The following SLC38A8 variants were observed in gnomAD, a reference collection of about 807,000 sequenced individuals.
The protein encoded by SLC38A8 is solute carrier family 38 member 8.
SLC38A8 carries 65 observed loss-of-function variants against 46.0 expected under a neutral mutation model. The observed-to-expected ratio is 1.41, with a 90% CI of 1.16 to 1.74. SLC38A8 has a LOEUF of 1.74. Among genes scored for constraint, SLC38A8 ranks in the 40% most tolerant of loss-of-function variants. The probability of loss-of-function intolerance (pLI) is 0.00; values close to 1 mark genes in which losing one functional copy is unlikely to be tolerated. For missense variants in SLC38A8, 998 were observed against 567.9 expected (o/e 1.76, Z -7.70); for synonymous variants, 447 against 243.7 (o/e 1.83, Z -7.77).
intron 9 of SLC38A8, among the ~76,000 whole-genome samples, chr16:84,015,563 AGCTGTGCCCCCGGC>A: frequency 1.8e-5 from 1 of 56,070 alleles, no homozygotes; most frequent in South Asian, 9.1e-4. Context: ...GCTGCATACT[AGCTGTGCCCCCGGC>A]GGGGGTTCAG....
At chr16:84,038,836 G>C (rs1157256462) in intron 2 of SLC38A8, among the ~76,000 whole-genome samples, 2 of 152,194 alleles carry the variant, frequency 1.3e-5, no homozygotes, top group African/African-American at 2.4e-5. Flanking sequence ...CGGGCGCACA[G>C]GCAGCTTGCT....
At chr16:84,026,730 A>G (rs1009369273) in intron 6 of SLC38A8, among the ~76,000 whole-genome samples, 2 of 152,234 alleles carry the variant, frequency 1.3e-5, no homozygotes, top group African/African-American at 4.8e-5. Flanking sequence ...ATTTGACCAC[A>G]GATAGGGTGG....
chr16:84,036,915 C>T lies in SLC38A8; in HGVS notation c.190-15G>A. 6.2e-7 allele frequency: 1 copy of T among 1,600,992 alleles called. No individual in the cohort carries two copies. Among genetic ancestry groups the T allele is most frequent in the East Asian group, 2.3e-5 (1 of 44,122 alleles). ...ACCAACGAGACCTGCGGAGAAGGAG[C>T]AGGACCTGGAACTGGGGTGTGCCCA... On this transcript the variant is annotated splice_polypyrimidine_tract_variant and intron_variant, in intron 2 of 10. Coordinates refer to ENST00000299709, the MANE Select transcript of SLC38A8 (RefSeq NM_001080442.3).
chr16:84,015,257 C>T (rs997059019), intron 9 of SLC38A8, among the ~76,000 whole-genome samples: 2 of 152,108 alleles, frequency 1.3e-5, no homozygotes, highest in African/African-American at 2.4e-5. Context: ...CTCCAGTGGG[C>T]CACTACAGTG....
chr16:84,036,807 G>T lies in SLC38A8; in HGVS notation c.283C>A (p.Leu95Met), dbSNP rs757219619. Residue 95 changes from leucine (L) to methionine (M), a missense_variant, in exon 3 of 11, where the codon CTG (leucine) becomes ATG (methionine). Physicochemically the swap from Leu to Met is conservative, Grantham distance 15. Transcript: ENST00000299709. ...QATYQGVVRGLCGPAIGKLCE... is the reference protein window; with the variant it reads ...QATYQGVVRGMCGPAIGKLCE... ...AGCTTCCCAATGGCAGGGCCACACA[G>T]CCCCCTGACCACACCCTGGTAGGTG... The T allele has an allele frequency of 3.1e-6, 5 of 1,613,972 alleles. No homozygotes were observed. The highest frequency in any genetic ancestry group is 4.2e-6 in the Non-Finnish European group (5 of 1,180,026).
At chr16:84,030,539 C>G (rs78110925) in intron 5 of SLC38A8, among the ~76,000 whole-genome samples, 4,602 of 152,106 alleles carry the variant, frequency 0.03, 243 homozygotes, top group African/African-American at 0.1. Flanking sequence ...TCTTAGATGT[C>G]TCCAGGTCGG....
intron 9 of SLC38A8, among the ~76,000 whole-genome samples, chr16:84,013,433 T>TTG (rs1567689182): frequency 1.6e-5 from 2 of 128,462 alleles, no homozygotes; most frequent in African/African-American, 3.1e-5. Flanking sequence ...TGTTTTTTTT[T>TTG]TTTTTTTTTT....
intron 3 of SLC38A8, among the ~76,000 whole-genome samples, chr16:84,034,714 G>T (rs566015091): frequency 6.6e-6 from 1 of 152,226 alleles, no homozygotes. Context: ...GGTCACAGCA[G>T]CATCCACGTG....
At chr16:84,021,070 C>T (rs571648586) in intron 7 of SLC38A8, among the ~76,000 whole-genome samples, 93 of 151,896 alleles carry the variant, frequency 6.1e-4, no homozygotes, top group Middle Eastern at 3.4e-3. Flanking sequence ...TTTTTGCCGG[C>T]AGGGGAGGGA....
At chr16:84,039,694 G>C (rs925767681) in intron 2 of SLC38A8, among the ~76,000 whole-genome samples, 2 of 147,274 alleles carry the variant, frequency 1.4e-5, no homozygotes, top group African/African-American at 2.5e-5. Context: ...GTTGCAGTGA[G>C]CTGAGATCAC....
chr16:84,032,919 G>A lies in SLC38A8; in HGVS notation c.530+409C>T, dbSNP rs972152358. Among the ~76,000 whole-genome samples, 10 of 89,528 alleles carry A rather than the reference G, an allele frequency of 1.1e-4. 1 individual carries two copies. The highest frequency in any genetic ancestry group is 7.0e-4 in the African/African-American group (10 of 14,230). The allele number at this position is 89,528 out of a possible 152,430, so 58.7% of individuals were successfully genotyped here. A position where few individuals can be genotyped will look rare whatever the true frequency, so the allele number is the denominator to read the frequency against. ...ATGTGTGGGTGGGTGAGCATGGGTGGGTGTGGGTACGTGGGTGTGCATGGG... is the reference window on the plus strand; with the variant it reads ...ATGTGTGGGTGGGTGAGCATGGGTGAGTGTGGGTACGTGGGTGTGCATGGG... On this transcript the variant is annotated intron_variant, in intron 4 of 10. Coordinates refer to ENST00000299709, the MANE Select transcript of SLC38A8 (RefSeq NM_001080442.3).
rs369154993 is a variant in SLC38A8, at chr16:84,040,421, C to G, written c.189+1548G>C. Among the ~76,000 whole-genome samples the G allele has an allele frequency of 3.9e-5, 6 of 152,216 alleles. No homozygotes were observed. The East Asian group carries it at 1.2e-3, about 29-fold the overall frequency. On this transcript the variant is annotated intron_variant, in intron 2 of 10. Coordinates refer to ENST00000299709, the MANE Select transcript of SLC38A8 (RefSeq NM_001080442.3). ...CCCAGAAGCAAGTCACAAATGTGGT[C>G]TCAGGCCCACCCAGCCCTGCAGGGC... is the stretch of plus-strand genomic sequence containing the variant.
At chr16:84,041,841 A>G (rs2085370352) in intron 2 of SLC38A8, 128 bp downstream of exon 2, 1 of 821,956 alleles carries the variant, frequency 1.2e-6, no homozygotes, top group Non-Finnish European at 1.9e-6. Flanking sequence ...TGAGCGGGAT[A>G]GAAAATAAAA....
chr16:84,029,503 G>A lies in SLC38A8; in HGVS notation c.681C>T (p.Phe227=), dbSNP rs554452066. 3.2e-4 allele frequency: 515 copies of A among 1,614,106 alleles called. 4 individuals are homozygous for A. In the South Asian group the frequency reaches 5.2e-3, roughly 16 times the overall value. ...CAGATGCTAAAATTACCTGAAACCC[G>A]AAGCAGATGGTGGGGAAGACACTGA... The part of the protein sequence containing the change: ...SVFSVFPTIC[F]GFQCHEAAVS... Residue 227 remains phenylalanine (F), a synonymous_variant, in exon 6 of 11, where the codon TTC becomes TTT. Transcript: ENST00000299709.
rs146103798 is a variant in SLC38A8 at position 84,036,763 on chromosome 16, G to A, written c.327C>T (p.Leu109=). 6.4e-5 allele frequency: 104 copies of A among 1,614,216 alleles called. 1 individual carries two copies. In the African/African-American group the frequency reaches 1.2e-3, roughly 18 times the overall value. Residue 109 remains leucine, a synonymous_variant, in exon 3 of 11, where the codon CTC becomes CTT. Transcript: ENST00000299709. The stretch of plus-strand genomic sequence containing the variant: ...CCACGGAGATCATGAGCAGGTTGAG[G>A]AGGAAGCAGGCCTCACACAGCTTCC... ...AIGKLCEACF[L]LNLLMISVAF...
chr16:84,025,262 G>A (rs187992067), intron 6 of SLC38A8, among the ~76,000 whole-genome samples: 67 of 152,246 alleles, frequency 4.4e-4, no homozygotes, highest in Admixed American at 1.0e-3. Flanking sequence ...AACCAAACGT[G>A]CCAAGGCCTC....
rs750556901 is a variant in SLC38A8 at position 84,036,891 on chromosome 16, C to A, written c.199G>T (p.Val67Phe). The A allele has an allele frequency of 1.9e-4, 299 of 1,611,770 alleles. No homozygotes were observed. Among genetic ancestry groups the A allele is most frequent in the Non-Finnish European group, 2.5e-4 (291 of 1,179,782 alleles). Residue 67 changes from valine (V) to phenylalanine (F), a missense_variant, in exon 3 of 11, where the codon GTC becomes TTC. Physicochemically the swap from Val to Phe is conservative, Grantham distance 50 (BLOSUM62 -1). Transcript: ENST00000299709. ...PAFLVELVSL[V>F]FLISGLVILG... Reference sequence around the variant, plus strand: ...ATGACCAGCCCGCTGATCAGGAAGACCAACGAGACCTGCGGAGAAGGAGCA... The same window carrying A: ...ATGACCAGCCCGCTGATCAGGAAGAACAACGAGACCTGCGGAGAAGGAGCA...
chr16:84,039,071 G>C (rs1246417238), intron 2 of SLC38A8, among the ~76,000 whole-genome samples: 1 of 152,174 alleles, frequency 6.6e-6, no homozygotes, highest in Non-Finnish European at 1.5e-5. Flanking sequence ...TCAACCCATT[G>C]AGGTATGTCC....
At chr16:84,035,748 A>G (rs2085293231) in intron 3 of SLC38A8, among the ~76,000 whole-genome samples, 1 of 152,256 alleles carries the variant, frequency 6.6e-6, no homozygotes, top group Non-Finnish European at 1.5e-5. Flanking sequence ...GATAAAGAAT[A>G]CTTCATAATA....
Sources: gnomAD v4.1 joint callset for allele counts (sites outside exome capture counted in the v4.1 genomes callset) on GRCh38, gnomAD v4.1.1 for gene constraint, MANE v1.5 for transcripts, NCBI Gene and HGNC (gene_info 2026-07-23, HGNC 2026-07-21) for gene names.